Variants in DHX36 observed in about 807,000 individuals in gnomAD.
DHX36 encodes DEAH-box helicase 36.
In DHX36, 50 loss-of-function variants were observed where a neutral mutation model predicts 139.0. The ratio of observed to expected loss-of-function variants is 0.36; its 90% CI spans 0.29 to 0.46. DHX36 has a LOEUF of 0.46. Ranked by LOEUF, DHX36 falls within the 20% of genes least tolerant of loss-of-function variation. The pLI, the probability that DHX36 is intolerant of heterozygous loss-of-function variation, is 1.00. For synonymous variants in DHX36, 425 were observed against 401.9 expected (o/e 1.06, Z -0.69); for missense variants, 1,024 against 1,211.3 (o/e 0.85, Z 2.29).
At chr3:154,276,427 A>AGTTTC in intron 24 of DHX36, 71 bp from the exon 25 acceptor site, 1 of 1,367,314 alleles carries the variant, frequency 7.3e-7, no homozygotes, top group Non-Finnish European at 1.0e-6. Context: ...AAATGAAACT[A>AGTTTC]ATTTACCTGA....
intron 3 of DHX36, among the ~76,000 whole-genome samples, chr3:154,314,239 A>C (rs551104963): frequency 6.6e-6 from 1 of 152,344 alleles, no homozygotes; most frequent in South Asian, 2.1e-4. Flanking sequence ...GGCCCTGGAC[A>C]ACCTCAGCTT....
intron 9 of DHX36, among the ~76,000 whole-genome samples, chr3:154,301,728 T>A (rs1040846391): frequency 2.0e-5 from 3 of 152,214 alleles, no homozygotes; most frequent in Non-Finnish European, 4.4e-5. Flanking sequence ...TGCTGTACTA[T>A]GATTCTACTA....
chr3:154,288,817 T>C (rs1711662641), intron 17 of DHX36, 49 bp downstream of exon 17: 2 of 1,100,076 alleles, frequency 1.8e-6, no homozygotes, highest in African/African-American at 1.6e-5. Flanking sequence ...CTGGTTTACA[T>C]GCTGTAGTAT....
chr3:154,297,709 CA>C (rs554782478), intron 12 of DHX36, among the ~76,000 whole-genome samples: 1,479 of 90,080 alleles, frequency 0.016, 7 homozygotes, highest in Non-Finnish European at 0.021. Flanking sequence ...GACTCCACCT[CA>C]AAAAAAAAAA....
intron 11 of DHX36, 133 bp from the exon 12 acceptor site, chr3:154,300,058 T>C (rs2108351062): frequency 1.6e-6 from 1 of 627,606 alleles, no homozygotes; most frequent in East Asian, 2.8e-5. Flanking sequence ...ATTAAAAGTA[T>C]ATAAGCTTTT....
At chr3:154,300,514 A>G (rs1712224564) in intron 11 of DHX36, 80 bp downstream of exon 11, 1 of 1,111,040 alleles carries the variant, frequency 9.0e-7, no homozygotes, top group Non-Finnish European at 1.3e-6. Flanking sequence ...TAAGCATTTA[A>G]GAAAACTGTA....
At chr3:154,315,979 A>G (rs1163305402) in intron 2 of DHX36, 60 bp downstream of exon 2, 1 of 1,523,950 alleles carries the variant, frequency 6.6e-7, no homozygotes, top group Non-Finnish European at 8.8e-7. Flanking sequence ...TAAAGATGTT[A>G]TTTTTATTAT....
At chr3:154,307,568 T>C (rs555091415) in intron 5 of DHX36, among the ~76,000 whole-genome samples, 61 of 152,148 alleles carry the variant, frequency 4.0e-4, no homozygotes, top group Non-Finnish European at 8.1e-4. Flanking sequence ...CAATGAGATA[T>C]CATCTTACCC....
At chr3:154,300,185 G>A (rs1712209066) in intron 11 of DHX36, among the ~76,000 whole-genome samples, 1 of 151,786 alleles carries the variant, frequency 6.6e-6, no homozygotes, top group Non-Finnish European at 1.5e-5. Flanking sequence ...TCTCATGCTC[G>A]GCCTCCCAAG....
Position 154,315,279 on chromosome 3 carries a change from A to G in DHX36, c.370T>C (p.Tyr124His). Residue 124 changes from tyrosine to histidine, a missense_variant and splice_region_variant, in exon 3 of 25, where the codon TAC becomes CAC. Around this residue, in one of 4 missense-constraint regions of DHX36, gnomAD observed 293 missense variants for 274.4 expected, o/e 1.07. Transcript: ENST00000496811. ...ISWFAPEDHG[Y>H]GTEVSTKNTP... ...TTCTTAGTAGAAACTTCAGTACCGT[A>G]TCTGTTTTGACAAAATAAGAAAGGA... 6.2e-7 allele frequency: 1 copy of G among 1,603,880 alleles called. No homozygotes were observed. The highest frequency in any genetic ancestry group is 8.5e-7 in the Non-Finnish European group (1 of 1,175,780).
rs1477105022 is a variant in DHX36, at chr3:154,283,407, A to G, written c.2293-136T>C. 3 of 632,198 alleles carry G rather than the reference A, an allele frequency of 4.7e-6. No individual in the cohort carries two copies. The East Asian group carries it at 8.3e-5, about 18-fold the overall frequency. The allele number at this position is 632,198 out of a possible 1,614,324, so 39.2% of individuals were successfully genotyped here. A position where few individuals can be genotyped will look rare whatever the true frequency, so the allele number is the denominator to read the frequency against. ...CTTTGTAAAAAATTCAAAGAATTTTATAACTGATAAAACTAAAAACACATA... is the reference window on the plus strand; with the variant it reads ...CTTTGTAAAAAATTCAAAGAATTTTGTAACTGATAAAACTAAAAACACATA... On this transcript the variant is annotated intron_variant, in intron 19 of 24. Coordinates refer to ENST00000496811, the MANE Select transcript of DHX36 (RefSeq NM_020865.3).
chr3:154,274,348 CA>C lies in DHX36; in HGVS notation c.*1822del. 2 of 190,642 alleles carry C rather than the reference CA, an allele frequency of 1.0e-5. No individual in the cohort carries two copies. The highest frequency in any genetic ancestry group is 1.0e-4 in the South Asian group (1 of 9,760). The allele number at this position is 190,642 out of a possible 1,614,324, so 11.8% of individuals were successfully genotyped here. Reference sequence around the variant, plus strand: ...AAAACAAAACAAAACAAAAAACCAACAAAAAACTAACAATATCCTATTAAAA... The same window carrying C: ...AAAACAAAACAAAACAAAAAACCAACAAAAACTAACAATATCCTATTAAAA... On this transcript the variant is annotated 3_prime_UTR_variant, in exon 25 of 25. Coordinates refer to ENST00000496811, the MANE Select transcript of DHX36 (RefSeq NM_020865.3).
chr3:154,299,745 A>T, intron 12 of DHX36, 93 bp downstream of exon 12: 1 of 886,548 alleles, frequency 1.1e-6, no homozygotes, highest in Non-Finnish European at 1.9e-6. Flanking sequence ...ACCTAGTAGA[A>T]GCAACACTTC....
intron 8 of DHX36, among the ~76,000 whole-genome samples, chr3:154,303,662 AAAG>A (rs1712386147): frequency 1.3e-5 from 2 of 152,338 alleles, no homozygotes; most frequent in South Asian, 4.1e-4. Flanking sequence ...ACAGAATATC[AAAG>A]AATAGAGTTT....
intron 10 of DHX36, 109 bp from the exon 11 acceptor site, chr3:154,300,805 G>T: frequency 7.9e-7 from 1 of 1,264,604 alleles, no homozygotes; most frequent in East Asian, 2.3e-5. Context: ...ATAATCTACA[G>T]ATCGGAGAGA....
chr3:154,276,428 A>G, intron 24 of DHX36, 72 bp from the exon 25 acceptor site: 2 of 1,370,312 alleles, frequency 1.5e-6, no homozygotes, highest in Non-Finnish European at 2.0e-6. Context: ...AATGAAACTA[A>G]TTTACCTGAT....
intron 4 of DHX36, 38 bp downstream of exon 4, chr3:154,311,598 T>A (rs750509972): frequency 6.4e-7 from 1 of 1,564,894 alleles, no homozygotes; most frequent in South Asian, 1.2e-5. Flanking sequence ...TGTATTTAAT[T>A]TGCAAATCAA....
chr3:154,305,129 T>C lies in DHX36; in HGVS notation c.933A>G (p.Thr311=), dbSNP rs775417967. ...GGAGCCACTGAAGGATGATTCCTGT[T>C]GTACAGTATAAGATAGAACCCTGTT... ...PRKQGSILYC[T]TGIILQWLQS... is the part of the protein sequence containing the mutation. Residue 311 remains threonine, a synonymous_variant, in exon 7 of 25, where the codon ACA becomes ACG. Coordinates refer to ENST00000496811, the MANE Select transcript of DHX36 (RefSeq NM_020865.3). 1 of 1,613,858 alleles carries C rather than the reference T, an allele frequency of 6.2e-7. No homozygotes were observed. Among genetic ancestry groups the C allele is most frequent in the East Asian group, 2.2e-5 (1 of 44,816 alleles).
intron 4 of DHX36, 93 bp from the exon 5 acceptor site, chr3:154,309,916 T>TTG: frequency 1.0e-6 from 1 of 994,574 alleles, no homozygotes; most frequent in Non-Finnish European, 1.4e-6. Context: ...CATAGCTATT[T>TTG]TTAACAAACA....
Sources: gnomAD v4.1 joint callset for allele counts (sites outside exome capture counted in the v4.1 genomes callset) on GRCh38, gnomAD v4.1.1 for gene constraint, gnomAD v4.1.1 regional missense constraint, MANE v1.5 for transcripts, NCBI Gene and HGNC (gene_info 2026-07-23, HGNC 2026-07-21) for gene names.